Variants in CNKSR3 observed in about 807,000 individuals in gnomAD.
CNKSR3 encodes the protein CNKSR family member 3, also known as connector enhancer of kinase suppressor of ras 3.
Under a neutral mutation model 67.7 loss-of-function variants are expected in CNKSR3, and 36 were observed. The ratio of observed to expected loss-of-function variants is 0.53; its 90% confidence interval spans 0.41 to 0.70. CNKSR3 has a LOEUF of 0.70. Among genes scored for constraint, CNKSR3 ranks in the 30% least tolerant of loss-of-function variants. The pLI is 0.00. For synonymous variants in CNKSR3, 281 were observed against 271.4 expected (o/e 1.04, Z -0.35); for missense variants, 630 against 695.2 (o/e 0.91, Z 1.05).
intron 1 of CNKSR3, among the ~76,000 whole-genome samples, chr6:154,482,549 C>G (rs1439958440): frequency 6.6e-6 from 1 of 152,136 alleles, no homozygotes; most frequent in Non-Finnish European, 1.5e-5. Context: ...GCAGAGAAAT[C>G]GTTAAGACAG....
At chr6:154,439,690 G>C (rs1484149102) in intron 4 of CNKSR3, among the ~76,000 whole-genome samples, 3 of 152,128 alleles carry the variant, frequency 2.0e-5, no homozygotes, top group Admixed American at 1.3e-4. Context: ...CCAGGAGTTT[G>C]AGACCAGCCT....
intron 4 of CNKSR3, among the ~76,000 whole-genome samples, chr6:154,436,452 A>T (rs1415784797): frequency 6.6e-6 from 1 of 152,144 alleles, no homozygotes; most frequent in African/African-American, 2.4e-5. Flanking sequence ...TGAGCCATTG[A>T]GCCTGGCAGG....
At chr6:154,481,261 ATATT>A (rs1328652577) in intron 1 of CNKSR3, among the ~76,000 whole-genome samples, 2 of 141,414 alleles carry the variant, frequency 1.4e-5, no homozygotes, top group African/African-American at 5.3e-5. Flanking sequence ...TGCTTATTTG[ATATT>A]TATTTGATAG....
chr6:154,505,361 T>G (rs551837936), intron 1 of CNKSR3, among the ~76,000 whole-genome samples: 14 of 150,978 alleles, frequency 9.3e-5, no homozygotes, highest in African/African-American at 3.1e-4. Context: ...AAAGCCCCCT[T>G]TTCTCTTGGT....
intron 1 of CNKSR3, among the ~76,000 whole-genome samples, chr6:154,502,195 C>CT (rs34790675): frequency 0.25 from 36,042 of 143,876 alleles, 4,416 homozygotes; most frequent in Middle Eastern, 0.31. Context: ...TATATTTCTT[C>CT]TTTTTTTTTT....
At chr6:154,488,971 A>G (rs1161563240) in intron 1 of CNKSR3, among the ~76,000 whole-genome samples, 5 of 152,190 alleles carry the variant, frequency 3.3e-5, no homozygotes, top group African/African-American at 9.7e-5. Flanking sequence ...CCTCAACCAC[A>G]TGAACAATCT....
At chr6:154,440,787 AC>A (rs1348996776) in intron 4 of CNKSR3, among the ~76,000 whole-genome samples, 1 of 152,146 alleles carries the variant, frequency 6.6e-6, no homozygotes, top group Non-Finnish European at 1.5e-5. Flanking sequence ...TCTAGCCCTG[AC>A]CCATTTGGAT....
chr6:154,502,358 AT>A lies in CNKSR3; in HGVS notation c.52+7704del, dbSNP rs541089259. ...AGGTGCCCACCACCATGCCCAGCTA[AT>A]TTTTTTTTTTTTTTTTTAGTAGAGA... On this transcript the variant is annotated intron_variant, in intron 1 of 12. Transcript: ENST00000607772. Among the ~76,000 whole-genome samples the A allele has an allele frequency of 5.9e-3, 835 of 141,252 alleles. 1 individual carries two copies. Among genetic ancestry groups the A allele is most frequent in the African/African-American group, 0.011 (425 of 38,224 alleles). The allele number at this position is 141,252 out of a possible 152,430, so 92.7% of individuals were successfully genotyped here. A position where few individuals can be genotyped will look rare whatever the true frequency, so the allele number is the denominator to read the frequency against.
rs11541340 is a variant in CNKSR3 at position 154,510,438 on chromosome 6, C to G, written c.-324G>C. 0.16 allele frequency: 65,286 copies of G among 399,726 alleles called. 5,634 individuals are homozygous for G. The highest frequency in any genetic ancestry group is 0.18 in the Middle Eastern group (263 of 1,446). 24.8% of individuals were successfully genotyped at this position (399,726 alleles called of 1,614,324 possible). A position where few individuals can be genotyped will look rare whatever the true frequency, so the allele number is the denominator to read the frequency against. On this transcript the variant is annotated 5_prime_UTR_variant, in exon 1 of 13. Transcript: ENST00000607772. ...CGACCCCAGACCCCTGGCCTCGGCT[C>G]GGCACGGGAGCCTCCCGGCCCGCGA... is the stretch of plus-strand genomic sequence containing the variant.
At chr6:154,451,033 G>A (rs73574971) in intron 1 of CNKSR3, among the ~76,000 whole-genome samples, 3,358 of 152,134 alleles carry the variant, frequency 0.022, 92 homozygotes, top group African/African-American at 0.062. Flanking sequence ...TGTTTGTGTC[G>A]AATCTCTGTC....
At chr6:154,494,378 G>A (rs992914790) in intron 1 of CNKSR3, among the ~76,000 whole-genome samples, 6 of 152,110 alleles carry the variant, frequency 3.9e-5, no homozygotes, top group Admixed American at 2.0e-4. Context: ...CCCATGACAC[G>A]TGGGGATTAT....
chr6:154,494,242 A>G (rs1418229601), intron 1 of CNKSR3, among the ~76,000 whole-genome samples: 2 of 152,190 alleles, frequency 1.3e-5, no homozygotes, highest in Non-Finnish European at 2.9e-5. Flanking sequence ...AAGAAGAAGA[A>G]TAAGAGGCAA....
chr6:154,480,078 G>A lies in CNKSR3; in HGVS notation c.53-29820C>T, dbSNP rs559957865. Among the ~76,000 whole-genome samples the A allele has an allele frequency of 1.4e-3, 213 of 152,338 alleles. 3 individuals are homozygous for A. Among genetic ancestry groups the A allele is most frequent in the African/African-American group, 4.6e-3 (192 of 41,572 alleles). On this transcript the variant is annotated intron_variant, in intron 1 of 12. Transcript: ENST00000607772. ...TTTCTCGTTGTTGGCTGTCAGGAAC[G>A]GAAAGTTATCTATGGTGTACAGTGT...
chr6:154,486,691 A>C (rs911222973), intron 1 of CNKSR3, among the ~76,000 whole-genome samples: 6 of 150,880 alleles, frequency 4.0e-5, no homozygotes, highest in African/African-American at 1.2e-4. Context: ...ACGGGGTTTC[A>C]CTATGTTGGC....
chr6:154,444,270 G>A (rs997691434), intron 2 of CNKSR3, among the ~76,000 whole-genome samples: 4 of 152,180 alleles, frequency 2.6e-5, no homozygotes. Flanking sequence ...CAGGAAAACA[G>A]CCCGTGAAGG....
At chr6:154,440,284 G>C (rs1324513716) in intron 4 of CNKSR3, among the ~76,000 whole-genome samples, 1 of 152,140 alleles carries the variant, frequency 6.6e-6, no homozygotes, top group Admixed American at 6.5e-5. Context: ...CTCTGTTATG[G>C]CATGGTCAGG....
chr6:154,431,112 T>C (rs1785358514), intron 5 of CNKSR3, among the ~76,000 whole-genome samples: 1 of 152,126 alleles, frequency 6.6e-6, no homozygotes, highest in Non-Finnish European at 1.5e-5. Context: ...TTTCCTCTAT[T>C]ATTAACATCT....
chr6:154,420,509 G>A (rs1785118968), intron 9 of CNKSR3, among the ~76,000 whole-genome samples: 1 of 151,558 alleles, frequency 6.6e-6, no homozygotes, highest in Non-Finnish European at 1.5e-5. Context: ...CTAAAACGGT[G>A]AAACCCCGTC....
intron 1 of CNKSR3, among the ~76,000 whole-genome samples, chr6:154,485,755 A>G (rs956655207): frequency 1.3e-5 from 2 of 152,198 alleles, no homozygotes; most frequent in Admixed American, 1.3e-4. Context: ...AAACTGAAGA[A>G]GCAACTCTGG....
Sources: allele counts gnomAD v4.1 joint callset (sites outside exome capture counted in the v4.1 genomes callset), GRCh38; gene constraint gnomAD v4.1.1; transcripts MANE v1.5; gene names NCBI Gene and HGNC (gene_info 2026-07-23, HGNC 2026-07-21).